Variants in ADAMTSL1 observed in about 807,000 individuals in gnomAD.
ADAMTSL1 encodes ADAMTS-like protein 1.
A neutral mutation model predicts 201.8 loss-of-function variants in ADAMTSL1; 126 were observed. The ratio of observed to expected loss-of-function variants is 0.62; its 90% CI spans 0.54 to 0.72. ADAMTSL1 has a LOEUF of 0.72. Ranked by LOEUF, ADAMTSL1 falls within the 30% of genes least tolerant of loss-of-function variation. The pLI is 0.00. For synonymous variants in ADAMTSL1, 1,121 were observed against 903.4 expected (o/e 1.24, Z -4.32); for missense variants, 2,679 against 2,277.8 (o/e 1.18, Z -3.59).
At chr9:18,613,372 A>G (rs1425040257) in intron 4 of ADAMTSL1, among the ~76,000 whole-genome samples, 2 of 152,246 alleles carry the variant, frequency 1.3e-5, no homozygotes, top group African/African-American at 4.8e-5. Flanking sequence ...GTATATACCC[A>G]AAGGAATAGA....
At chr9:18,251,754 G>A (rs1831472777) in intron 2 of ADAMTSL1, among the ~76,000 whole-genome samples, 1 of 152,176 alleles carries the variant, frequency 6.6e-6, no homozygotes, top group South Asian at 2.1e-4. Context: ...ACAGGATAGA[G>A]CTGGCACGGG....
intron 20 of ADAMTSL1, among the ~76,000 whole-genome samples, chr9:18,808,870 C>A (rs1823324780): frequency 6.6e-6 from 1 of 152,198 alleles, no homozygotes; most frequent in South Asian, 2.1e-4. Context: ...TTGGACAAAC[C>A]ATGGGGCCTT....
chr9:18,074,471 G>GTTTTC (rs66552520), intron 1 of ADAMTSL1, among the ~76,000 whole-genome samples: 7,321 of 126,870 alleles, frequency 0.058, 314 homozygotes, highest in South Asian at 0.079. Context: ...ACCACACTGT[G>GTTTTC]TTTTCTTTTC....
chr9:18,201,214 T>A (rs1335516862), intron 2 of ADAMTSL1, among the ~76,000 whole-genome samples: 4 of 152,112 alleles, frequency 2.6e-5, no homozygotes, highest in African/African-American at 9.7e-5. Flanking sequence ...GGTCCAGAAA[T>A]GAATACAGCA....
chr9:18,562,161 G>A (rs532748002), intron 3 of ADAMTSL1, among the ~76,000 whole-genome samples: 37 of 152,236 alleles, frequency 2.4e-4, no homozygotes, highest in Admixed American at 1.8e-3. Flanking sequence ...GGCTGGTACC[G>A]GTTTTTTCTT....
chr9:18,325,855 C>T (rs930977863), intron 2 of ADAMTSL1, among the ~76,000 whole-genome samples: 1 of 152,164 alleles, frequency 6.6e-6, no homozygotes, highest in Admixed American at 6.5e-5. Flanking sequence ...ATTCTCCTGC[C>T]TCCGCCTCCC....
chr9:18,006,463 G>C (rs1329933), intron 1 of ADAMTSL1, among the ~76,000 whole-genome samples: 88,912 of 151,776 alleles, frequency 0.59, 26,171 homozygotes, highest in African/African-American at 0.63. Flanking sequence ...CTGACAGGAA[G>C]ATTCTTGTGT....
intron 2 of ADAMTSL1, among the ~76,000 whole-genome samples, chr9:18,322,860 C>T (rs1302172906): frequency 3.3e-5 from 5 of 152,004 alleles, no homozygotes; most frequent in Admixed American, 2.6e-4. Context: ...TAAAATGTTA[C>T]AAGAAAAAAT....
chr9:18,891,587 C>T (rs941307575), intron 25 of ADAMTSL1, among the ~76,000 whole-genome samples: 2 of 152,230 alleles, frequency 1.3e-5, no homozygotes, highest in African/African-American at 4.8e-5. Flanking sequence ...TGGAACCTAA[C>T]ATTCAGAGAA....
intron 2 of ADAMTSL1, among the ~76,000 whole-genome samples, chr9:18,257,631 A>T (rs552315802): frequency 6.6e-6 from 1 of 152,214 alleles, no homozygotes; most frequent in Non-Finnish European, 1.5e-5. Flanking sequence ...CAGCTTCTCA[A>T]AAAGTTAAGC....
intron 2 of ADAMTSL1, among the ~76,000 whole-genome samples, chr9:18,183,621 A>G (rs930852720): frequency 5.9e-5 from 9 of 152,228 alleles, no homozygotes; most frequent in Non-Finnish European, 1.2e-4. Flanking sequence ...AAAATATGCT[A>G]TACATCGTAT....
chr9:18,263,467 C>A (rs1465545782), intron 2 of ADAMTSL1, among the ~76,000 whole-genome samples: 1 of 152,212 alleles, frequency 6.6e-6, no homozygotes, highest in Non-Finnish European at 1.5e-5. Context: ...GTAGAACTCT[C>A]AGCACTTCTC....
chr9:18,280,032 G>T (rs1411897566), intron 2 of ADAMTSL1, among the ~76,000 whole-genome samples: 14 of 152,164 alleles, frequency 9.2e-5, no homozygotes. Context: ...CCACTAGATA[G>T]GCCTGGACTC....
intron 4 of ADAMTSL1, among the ~76,000 whole-genome samples, chr9:18,579,650 G>C (rs1822972181): frequency 6.6e-6 from 1 of 152,012 alleles, no homozygotes; most frequent in Non-Finnish European, 1.5e-5. Flanking sequence ...ATACGAAAGG[G>C]GCACTGACTT....
chr9:18,223,235 C>G (rs917746820), intron 2 of ADAMTSL1, among the ~76,000 whole-genome samples: 1 of 151,954 alleles, frequency 6.6e-6, no homozygotes. Flanking sequence ...ACATGATACT[C>G]AAAAGGAAAT....
chr9:18,364,089 C>T (rs1049506636), intron 2 of ADAMTSL1, among the ~76,000 whole-genome samples: 1 of 152,102 alleles, frequency 6.6e-6, no homozygotes, highest in African/African-American at 2.4e-5. Context: ...GTGAATCTAT[C>T]AGGGAAACGC....
chr9:18,166,244 C>T lies in ADAMTSL1; in HGVS notation c.207+2263C>T, dbSNP rs146239661. On this transcript the variant is annotated intron_variant, in intron 2 of 29. Coordinates refer to the ADAMTSL1 transcript ENST00000680146. ...ATTCTCAGGTCCCTAGGATTTAGCC[C>T]AGCACTTGCTTCTGATAAATGCTCA... Among the ~76,000 whole-genome samples, 1,383 of 151,984 alleles carry T rather than the reference C, an allele frequency of 9.1e-3. 26 individuals carry two copies. Among genetic ancestry groups the T allele is most frequent in the African/African-American group, 0.032 (1,325 of 41,500 alleles).
chr9:18,552,420 A>G (rs1236843464), intron 3 of ADAMTSL1, among the ~76,000 whole-genome samples: 1 of 151,834 alleles, frequency 6.6e-6, no homozygotes, highest in Non-Finnish European at 1.5e-5. Flanking sequence ...CAATTGCATT[A>G]TGATTTTTCC....
intron 1 of ADAMTSL1, among the ~76,000 whole-genome samples, chr9:18,134,909 C>G (rs758414951): frequency 2.0e-5 from 3 of 152,164 alleles, no homozygotes; most frequent in Non-Finnish European, 4.4e-5. Flanking sequence ...GCCACCATCA[C>G]AACTTCAATA....
Sources: allele counts gnomAD v4.1 joint callset (sites outside exome capture counted in the v4.1 genomes callset), GRCh38; gene constraint gnomAD v4.1.1; transcripts MANE v1.5; gene names NCBI Gene and HGNC (gene_info 2026-07-23, HGNC 2026-07-21).